XRCC5: variants seen among roughly 807,000 people sequenced by gnomAD.
The protein encoded by XRCC5 is DNA repair protein Ku80.
In XRCC5, 12 loss-of-function variants were observed where a neutral mutation model predicts 95.7. The observed-to-expected ratio is 0.13, with a 90% CI of 0.08 to 0.20. XRCC5 has a LOEUF of 0.20. Among genes scored for constraint, XRCC5 ranks in the 10% least tolerant of loss-of-function variants. The probability of loss-of-function intolerance (pLI) is 1.00; values close to 1 mark genes in which losing one functional copy is unlikely to be tolerated. For missense variants in XRCC5, 595 were observed against 873.9 expected, an observed-to-expected ratio of 0.68 and a Z score of 4.02; for synonymous variants, 281 against 290.3, an observed-to-expected ratio of 0.97 and a Z score of 0.33.
intron 16 of XRCC5, among the ~76,000 whole-genome samples, chr2:216,177,608 C>T (rs1227283968): frequency 6.6e-6 from 1 of 151,484 alleles, no homozygotes; most frequent in Non-Finnish European, 1.5e-5. Context: ...AGCAGAAAGG[C>T]GATTAATTGT....
At chr2:216,153,594 A>G (rs1688788042) in intron 14 of XRCC5, among the ~76,000 whole-genome samples, 1 of 152,178 alleles carries the variant, frequency 6.6e-6, no homozygotes, top group Non-Finnish European at 1.5e-5. Flanking sequence ...GTTTGGACCC[A>G]CGTTGCCATC....
At chr2:216,194,062 G>A (rs1045001291) in intron 18 of XRCC5, among the ~76,000 whole-genome samples, 10 of 152,132 alleles carry the variant, frequency 6.6e-5, no homozygotes, top group Admixed American at 2.0e-4. Flanking sequence ...AATGCATGGC[G>A]TAGTTCCATA....
At chr2:216,167,476 CA>C (rs1689071460) in intron 16 of XRCC5, among the ~76,000 whole-genome samples, 1 of 151,786 alleles carries the variant, frequency 6.6e-6, no homozygotes, top group South Asian at 2.1e-4. Flanking sequence ...TACTTACATA[CA>C]TTATGTGATT....
At chr2:216,117,968 T>C (rs10166817) in intron 4 of XRCC5, among the ~76,000 whole-genome samples, 174 bp downstream of exon 4, 4,918 of 152,286 alleles carry the variant, frequency 0.032, 103 homozygotes, top group Non-Finnish European at 0.049. Context: ...TTTAAAAGTT[T>C]TAAAAGGGGA....
chr2:216,157,708 T>C (rs981090254), intron 14 of XRCC5, among the ~76,000 whole-genome samples: 25 of 152,224 alleles, frequency 1.6e-4, no homozygotes, highest in African/African-American at 5.8e-4. Flanking sequence ...ATTCAGTAAA[T>C]ATTAGGCTAA....
intron 4 of XRCC5, 31 bp from the exon 5 acceptor site, chr2:216,119,012 G>A: frequency 6.2e-7 from 1 of 1,604,438 alleles, no homozygotes; most frequent in Non-Finnish European, 8.5e-7. Context: ...TCAGGAGAAT[G>A]ATTTCTTAAT....
intron 14 of XRCC5, among the ~76,000 whole-genome samples, chr2:216,157,406 T>G (rs1323755843): frequency 1.3e-5 from 2 of 151,892 alleles, no homozygotes; most frequent in Admixed American, 1.3e-4. Context: ...GCTAATGTTT[T>G]GTACTTTTAA....
At chr2:216,116,963 G>A in intron 3 of XRCC5, 121 bp downstream of exon 3, 1 of 1,081,096 alleles carries the variant, frequency 9.2e-7, no homozygotes. Context: ...TTTGCTCTGA[G>A]GAGGGGGAGG....
intron 16 of XRCC5, among the ~76,000 whole-genome samples, chr2:216,166,549 T>C (rs1163452074): frequency 6.6e-6 from 1 of 152,212 alleles, no homozygotes; most frequent in Non-Finnish European, 1.5e-5. Flanking sequence ...TACCTGTCGT[T>C]GTGGGTTTCA....
At chr2:216,197,546 A>G (rs1689751646) in intron 19 of XRCC5, among the ~76,000 whole-genome samples, 5 of 151,912 alleles carry the variant, frequency 3.3e-5, no homozygotes, top group Admixed American at 3.3e-4. Context: ...CTTCTACTTC[A>G]GCCACGGGTT....
chr2:216,127,488 T>C (rs1174622066), intron 7 of XRCC5, 48 bp from the exon 8 acceptor site: 8 of 1,551,074 alleles, frequency 5.2e-6, no homozygotes, highest in Non-Finnish European at 6.1e-6. Flanking sequence ...CTTCTATCAA[T>C]TGGAATCCTA....
intron 12 of XRCC5, 114 bp from the exon 13 acceptor site, chr2:216,141,071 AG>A (rs1433439058): frequency 1.7e-6 from 2 of 1,209,432 alleles, no homozygotes; most frequent in African/African-American, 3.1e-5. Flanking sequence ...ATACTTTGGC[AG>A]GGCCAGGACT....
chr2:216,144,438 A>C (rs1348754810), intron 13 of XRCC5, among the ~76,000 whole-genome samples: 2 of 152,196 alleles, frequency 1.3e-5, no homozygotes, highest in African/African-American at 4.8e-5. Context: ...GCCCACTTGA[A>C]GGCTTAAGAG....
At chr2:216,187,857 T>TCTCTCCCC (rs1689534409) in intron 16 of XRCC5, among the ~76,000 whole-genome samples, 1 of 117,222 alleles carries the variant, frequency 8.5e-6, no homozygotes, top group Non-Finnish European at 1.7e-5. Context: ...TCTCTCTCTC[T>TCTCTCCCC]CTCTCCCCGT....
chr2:216,174,563 C>T (rs1009331310), intron 16 of XRCC5, among the ~76,000 whole-genome samples: 1 of 152,118 alleles, frequency 6.6e-6, no homozygotes, highest in Non-Finnish European at 1.5e-5. Context: ...ATCACTACCA[C>T]AATTTACAGG....
intron 19 of XRCC5, among the ~76,000 whole-genome samples, chr2:216,199,810 CTT>C (rs375975027): frequency 0.12 from 13,901 of 119,246 alleles, 672 homozygotes; most frequent in South Asian, 0.15. Context: ...GCATTGGGAT[CTT>C]TTTTTTTTTT....
chr2:216,179,625 C>T (rs1427701910), intron 16 of XRCC5, among the ~76,000 whole-genome samples: 2 of 152,080 alleles, frequency 1.3e-5, no homozygotes, highest in African/African-American at 4.8e-5. Context: ...GCTTTGCAGA[C>T]AGAGGGAGCA....
At chr2:216,153,573 A>G (rs1382542441) in intron 14 of XRCC5, among the ~76,000 whole-genome samples, 1 of 152,226 alleles carries the variant, frequency 6.6e-6, no homozygotes, top group Non-Finnish European at 1.5e-5. Flanking sequence ...AGTGCTTTAC[A>G]CACATTATCT....
At chr2:216,135,669 C>T (rs757451371) in intron 10 of XRCC5, among the ~76,000 whole-genome samples, 4 of 151,944 alleles carry the variant, frequency 2.6e-5, no homozygotes, top group Admixed American at 6.6e-5. Context: ...CATGGTGGCG[C>T]GTGCCTATAA....
Sources: allele counts gnomAD v4.1 joint callset (sites outside exome capture counted in the v4.1 genomes callset), GRCh38; gene constraint gnomAD v4.1.1; transcripts MANE v1.5; gene names NCBI Gene and HGNC (gene_info 2026-07-23, HGNC 2026-07-21).